The following WDR7 variants were observed in gnomAD, a reference collection of about 807,000 sequenced individuals.
WDR7 encodes WD repeat-containing protein 7.
A neutral mutation model predicts 169.4 loss-of-function variants in WDR7; 46 were observed. The ratio of observed to expected loss-of-function variants is 0.27; its 90% CI spans 0.21 to 0.35. The LOEUF is 0.35. Ranked by LOEUF, WDR7 falls within the 10% of genes least tolerant of loss-of-function variation. WDR7 has a pLI of 1.00. For missense variants in WDR7, 1,534 were observed against 1,859.3 expected, an observed-to-expected ratio of 0.83 and a Z score of 3.22; for synonymous variants, 612 against 666.8, an observed-to-expected ratio of 0.92 and a Z score of 1.27.
At chr18:57,008,716 G>A (rs763214593) in intron 26 of WDR7, among the ~76,000 whole-genome samples, 2 of 152,122 alleles carry the variant, frequency 1.3e-5, no homozygotes, top group Non-Finnish European at 2.9e-5. Context: ...CTGTGTTTCT[G>A]TGACATCTTC....
intron 20 of WDR7, among the ~76,000 whole-genome samples, chr18:56,853,533 C>T (rs1214044): frequency 0.86 from 131,609 of 152,164 alleles, 56,993 homozygotes; most frequent in East Asian, 0.98. Flanking sequence ...AAATATATTT[C>T]GTTTAATCAG....
intron 21 of WDR7, among the ~76,000 whole-genome samples, chr18:56,905,183 C>G (rs2046459253): frequency 6.6e-6 from 1 of 152,188 alleles, no homozygotes; most frequent in Admixed American, 6.5e-5. Flanking sequence ...TAGTCTTGCT[C>G]TGTCATCCAG....
intron 2 of WDR7, among the ~76,000 whole-genome samples, chr18:56,675,763 G>A (rs1339552059): frequency 6.6e-6 from 1 of 152,026 alleles, no homozygotes; most frequent in African/African-American, 2.4e-5. Flanking sequence ...GGCAAGAGTG[G>A]ACATCCTATT....
intron 13 of WDR7, among the ~76,000 whole-genome samples, chr18:56,724,398 T>TG (rs1190527686): frequency 6.6e-6 from 1 of 151,370 alleles, no homozygotes; most frequent in African/African-American, 2.4e-5. Context: ...TTAGTAGAGA[T>TG]GGGGGGTTTC....
At chr18:56,844,751 G>A (rs2045542839) in intron 20 of WDR7, among the ~76,000 whole-genome samples, 1 of 152,178 alleles carries the variant, frequency 6.6e-6, no homozygotes, top group Non-Finnish European at 1.5e-5. Flanking sequence ...TAGGTTGGTA[G>A]AGATAATGAG....
At chr18:56,875,173 G>A (rs2046006480) in intron 20 of WDR7, among the ~76,000 whole-genome samples, 1 of 152,084 alleles carries the variant, frequency 6.6e-6, no homozygotes, top group Non-Finnish European at 1.5e-5. Context: ...TTTGTTACCA[G>A]GGTTGTTTTG....
chr18:56,748,893 G>T (rs757555605), intron 14 of WDR7, among the ~76,000 whole-genome samples: 1 of 151,866 alleles, frequency 6.6e-6, no homozygotes, highest in Non-Finnish European at 1.5e-5. Context: ...AGTCTCCACA[G>T]TTTCTTGATA....
intron 5 of WDR7, among the ~76,000 whole-genome samples, chr18:56,684,221 A>G (rs957424640): frequency 5.9e-5 from 9 of 152,202 alleles, no homozygotes; most frequent in African/African-American, 2.2e-4. Context: ...GACAAGAAGT[A>G]TGAGGGAAGG....
At chr18:56,938,992 T>G (rs1204242462) in intron 24 of WDR7, among the ~76,000 whole-genome samples, 1 of 152,186 alleles carries the variant, frequency 6.6e-6, no homozygotes, top group Non-Finnish European at 1.5e-5. Flanking sequence ...AAAGGTTATG[T>G]TCCCTTTGAC....
chr18:56,719,287 GGC>G (rs1440754311), intron 13 of WDR7, among the ~76,000 whole-genome samples: 3 of 152,050 alleles, frequency 2.0e-5, no homozygotes, highest in South Asian at 4.1e-4. Flanking sequence ...TTGCTGGCCG[GGC>G]GCGGTGGCTC....
At chr18:56,870,309 C>A (rs1056592194) in intron 20 of WDR7, among the ~76,000 whole-genome samples, 5 of 151,960 alleles carry the variant, frequency 3.3e-5, no homozygotes, top group Admixed American at 3.3e-4. Flanking sequence ...CTTTAAGCAA[C>A]CCTAAGAATA....
intron 21 of WDR7, among the ~76,000 whole-genome samples, chr18:56,908,372 A>G (rs1276946958): frequency 2.0e-5 from 3 of 152,200 alleles, no homozygotes; most frequent in Non-Finnish European, 4.4e-5. Flanking sequence ...TTCACTTTTC[A>G]TACATGTTAA....
chr18:56,717,673 T>G (rs1417536031), intron 12 of WDR7, among the ~76,000 whole-genome samples: 1 of 152,192 alleles, frequency 6.6e-6, no homozygotes, highest in African/African-American at 2.4e-5. Flanking sequence ...CTTTGCCTGC[T>G]CCAATATAGC....
intron 1 of WDR7, among the ~76,000 whole-genome samples, chr18:56,668,380 C>T (rs2025065243): frequency 6.6e-6 from 1 of 152,164 alleles, no homozygotes; most frequent in African/African-American, 2.4e-5. Context: ...TTCTAGTCAT[C>T]ATTTCTTCTA....
intron 21 of WDR7, among the ~76,000 whole-genome samples, chr18:56,913,849 T>C (rs1246774271): frequency 1.3e-5 from 2 of 151,686 alleles, no homozygotes; most frequent in Non-Finnish European, 2.9e-5. Context: ...ATGACTCCTG[T>C]TATAGTCCAA....
At chr18:56,971,526 A>G (rs1347178856) in intron 26 of WDR7, among the ~76,000 whole-genome samples, 1 of 152,186 alleles carries the variant, frequency 6.6e-6, no homozygotes, top group East Asian at 1.9e-4. Flanking sequence ...ATATACATCC[A>G]TAATTGAAGT....
chr18:56,991,037 T>C (rs1451823272), intron 26 of WDR7, among the ~76,000 whole-genome samples: 1 of 152,212 alleles, frequency 6.6e-6, no homozygotes, highest in Non-Finnish European at 1.5e-5. Context: ...GGTTGCTCAC[T>C]GCCTGTTCTC....
At position 56,861,769 on chromosome 18, in the gene WDR7, T is replaced by G. The variant is rs571548943; in HGVS notation, c.3305-18175T>G. ...GTTTTGAGAAATAGTTTAAGAAAAA[T>G]AAGTATCATAATATTGATCTCTGCT... On this transcript the variant is annotated intron_variant, in intron 20 of 27. Coordinates refer to ENST00000254442, the MANE Select transcript of WDR7 (RefSeq NM_015285.3). Among the ~76,000 whole-genome samples, 91 of 152,252 alleles carry G rather than the reference T, an allele frequency of 6.0e-4. No homozygotes were observed. The Middle Eastern group carries it at 0.01, about 17-fold the overall frequency.
intron 21 of WDR7, among the ~76,000 whole-genome samples, chr18:56,887,874 T>C (rs1318869570): frequency 6.6e-6 from 1 of 152,226 alleles, no homozygotes; most frequent in African/African-American, 2.4e-5. Flanking sequence ...ATGTGTAATA[T>C]TAACCTATTA....
Sources: gnomAD v4.1 joint callset for allele counts (sites outside exome capture counted in the v4.1 genomes callset) on GRCh38, gnomAD v4.1.1 for gene constraint, MANE v1.5 for transcripts, NCBI Gene and HGNC (gene_info 2026-07-23, HGNC 2026-07-21) for gene names.